MYT1L: variants seen among roughly 807,000 people sequenced by gnomAD.
MYT1L encodes the protein myelin transcription factor 1 like, also known as myelin transcription factor 1-like protein.
MYT1L carries 12 observed loss-of-function variants against 126.7 expected under a neutral mutation model. The ratio of observed to expected loss-of-function variants is 0.09; its 90% CI spans 0.06 to 0.15. MYT1L has a LOEUF of 0.15. Ranked by LOEUF, MYT1L falls within the 10% of genes least tolerant of loss-of-function variation. MYT1L has a pLI of 1.00. For missense variants in MYT1L, 979 were observed against 1,585.2 expected (o/e 0.62, Z 6.49); for synonymous variants, 541 against 604.2 (o/e 0.90, Z 1.53).
rs114450542 is a variant in MYT1L at position 1,991,657 on chromosome 2, C to T, written c.-1+5534G>A. Among the ~76,000 whole-genome samples the T allele has an allele frequency of 4.6e-3, 699 of 152,234 alleles. 7 individuals carry two copies. Among genetic ancestry groups the T allele is most frequent in the African/African-American group, 0.016 (668 of 41,528 alleles). ...TTCCAGTGTGTCTGTCCATCCCTCTCGCCTGGTTCGCCTCCTGCTTTCCTT... is the reference window on the plus strand; with the variant it reads ...TTCCAGTGTGTCTGTCCATCCCTCTTGCCTGGTTCGCCTCCTGCTTTCCTT... On this transcript the variant is annotated intron_variant, in intron 5 of 24. Transcript: ENST00000647738.
At chr2:2,011,351 C>T (rs550810068) in intron 4 of MYT1L, among the ~76,000 whole-genome samples, 2 of 150,402 alleles carry the variant, frequency 1.3e-5, no homozygotes, top group African/African-American at 2.5e-5. Context: ...TGCAGTGAGC[C>T]GAGATTGCGC....
chr2:2,153,932 C>A (rs2086271106), intron 3 of MYT1L, among the ~76,000 whole-genome samples: 1 of 152,086 alleles, frequency 6.6e-6, no homozygotes, highest in Admixed American at 6.6e-5. Context: ...GCTGATGAGG[C>A]TGCTGGTGGA....
intron 4 of MYT1L, among the ~76,000 whole-genome samples, chr2:2,032,028 C>A (rs1273181788): frequency 1.4e-5 from 2 of 140,912 alleles, no homozygotes; most frequent in South Asian, 4.6e-4. Context: ...GGGCCTTATA[C>A]ACACCCCTCG....
chr2:2,153,324 A>C (rs1159138048), intron 3 of MYT1L, among the ~76,000 whole-genome samples: 1 of 152,250 alleles, frequency 6.6e-6, no homozygotes, highest in Non-Finnish European at 1.5e-5. Flanking sequence ...GTGATGGCCA[A>C]GCTCAGGTGC....
chr2:2,262,426 C>T (rs1415409305), intron 2 of MYT1L, among the ~76,000 whole-genome samples: 1 of 151,764 alleles, frequency 6.6e-6, no homozygotes, highest in African/African-American at 2.4e-5. Flanking sequence ...GGCGCGGTGG[C>T]TCACGCCTGT....
At chr2:2,263,602 C>T (rs2095047594) in intron 2 of MYT1L, among the ~76,000 whole-genome samples, 1 of 152,168 alleles carries the variant, frequency 6.6e-6, no homozygotes, top group Non-Finnish European at 1.5e-5. Flanking sequence ...TCTGCCTTTA[C>T]TTACAGCACC....
At chr2:2,186,858 G>T (rs1000980635) in intron 2 of MYT1L, among the ~76,000 whole-genome samples, 1 of 152,164 alleles carries the variant, frequency 6.6e-6, no homozygotes, top group Non-Finnish European at 1.5e-5. Context: ...AATTTATAAT[G>T]TAACCTAATC....
chr2:1,831,528 T>C (rs995715602), intron 21 of MYT1L, among the ~76,000 whole-genome samples: 5 of 152,148 alleles, frequency 3.3e-5, no homozygotes, highest in Admixed American at 1.3e-4. Flanking sequence ...TACAACCCCC[T>C]GAACTTTCCA....
At chr2:1,984,749 T>C (rs2060879897) in intron 5 of MYT1L, among the ~76,000 whole-genome samples, 1 of 152,060 alleles carries the variant, frequency 6.6e-6, no homozygotes, top group Admixed American at 6.5e-5. Flanking sequence ...GACTTCGTGA[T>C]CCACCTGCCT....
chr2:2,189,366 TG>T (rs2148721007), intron 2 of MYT1L, among the ~76,000 whole-genome samples: 1 of 152,250 alleles, frequency 6.6e-6, no homozygotes, highest in African/African-American at 2.4e-5. Context: ...ACATCATCTG[TG>T]GGGTTGGATT....
chr2:2,209,244 C>CA (rs926139613), intron 2 of MYT1L, among the ~76,000 whole-genome samples: 23 of 151,906 alleles, frequency 1.5e-4, no homozygotes, highest in African/African-American at 4.3e-4. Flanking sequence ...CTTTGTGTTA[C>CA]AAAAAAAATC....
chr2:2,279,130 C>A (rs998389806), intron 2 of MYT1L, among the ~76,000 whole-genome samples: 4 of 152,146 alleles, frequency 2.6e-5, no homozygotes, highest in Admixed American at 1.3e-4. Flanking sequence ...CTCAATGGAT[C>A]TTTGTTTTCA....
chr2:2,318,970 T>A (rs1238480913), intron 1 of MYT1L, among the ~76,000 whole-genome samples: 1 of 152,216 alleles, frequency 6.6e-6, no homozygotes. Context: ...AATAGGCAGG[T>A]ATATGCAATC....
intron 3 of MYT1L, among the ~76,000 whole-genome samples, chr2:2,140,832 G>C (rs1457128108): frequency 2.0e-5 from 3 of 152,182 alleles, no homozygotes; most frequent in African/African-American, 4.8e-5. Context: ...GCCTCCCAAA[G>C]TGTTGGGATT....
intron 21 of MYT1L, among the ~76,000 whole-genome samples, chr2:1,830,878 G>T (rs1175063701): frequency 6.6e-6 from 1 of 152,180 alleles, no homozygotes; most frequent in African/African-American, 2.4e-5. Flanking sequence ...CCCCTTGGTG[G>T]CTGGTGGCCT....
In MYT1L at chr2:1,848,914, A is replaced by C. The variant is rs755195472; in HGVS notation, c.2774+2727T>G. On this transcript the variant is annotated intron_variant, in intron 19 of 24. Transcript: ENST00000647738. The surrounding 1 kb of genome is among the most constrained non-coding windows in gnomAD (Gnocchi z 4.8). ...AGGTGCTCCACCTTCAGTACGCTAA[A>C]ACCCCGAGAGGGCTCTGTCTAGGTC... Among the ~76,000 whole-genome samples the C allele has an allele frequency of 6.6e-6, 1 of 152,132 alleles. No homozygotes were observed. The highest frequency in any genetic ancestry group is 1.5e-5 in the Non-Finnish European group (1 of 68,018).
At chr2:2,052,231 A>C (rs2068915407) in intron 4 of MYT1L, among the ~76,000 whole-genome samples, 1 of 152,204 alleles carries the variant, frequency 6.6e-6, no homozygotes, top group Admixed American at 6.5e-5. Flanking sequence ...GTATACCCAC[A>C]TGCAAAAGAA....
rs547200412 is a variant in MYT1L, at chr2:1,834,549, A to G, written c.3080+4600T>C. Among the ~76,000 whole-genome samples the G allele has an allele frequency of 1.6e-3, 251 of 152,342 alleles. 1 individual carries two copies. The highest frequency in any genetic ancestry group is 5.8e-3 in the African/African-American group (243 of 41,584). On this transcript the variant is annotated intron_variant, in intron 21 of 24. Transcript: ENST00000647738. ...GGATACGTGCTACAACCTTGAGGAC[A>G]TGGGGCTCCATGAAATAGGACGGTC...
chr2:1,831,902 T>C (rs534872006), intron 21 of MYT1L, among the ~76,000 whole-genome samples: 1 of 152,196 alleles, frequency 6.6e-6, no homozygotes, highest in East Asian at 1.9e-4. Context: ...GTGACCTGAG[T>C]GCTGCTGATT....
Sources: gnomAD v4.1 joint callset for allele counts (sites outside exome capture counted in the v4.1 genomes callset) on GRCh38, gnomAD v4.1.1 for gene constraint, Gnocchi (gnomAD v3.1) non-coding constraint, MANE v1.5 for transcripts, NCBI Gene and HGNC (gene_info 2026-07-23, HGNC 2026-07-21) for gene names.